ESRRG: variants seen among roughly 807,000 people sequenced by gnomAD.
The protein encoded by ESRRG is estrogen-related receptor gamma.
ESRRG carries 13 observed loss-of-function variants against 44.0 expected under a neutral mutation model. That is an observed-to-expected ratio of 0.30 (90% confidence interval 0.19 to 0.47). The LOEUF (loss-of-function observed/expected upper bound fraction) is 0.47, where lower values mean the gene tolerates loss of function less well. ESRRG is among the 20% of genes least tolerant of loss of function. The pLI is 1.00. For missense variants in ESRRG, 395 were observed against 580.6 expected, an observed-to-expected ratio of 0.68 and a Z score of 3.29; for synonymous variants, 215 against 214.6, an observed-to-expected ratio of 1.00 and a Z score of -0.02.
At chr1:216,634,876 G>T (rs1348339515) in intron 3 of ESRRG, among the ~76,000 whole-genome samples, 1 of 152,212 alleles carries the variant, frequency 6.6e-6, no homozygotes, top group Admixed American at 6.5e-5. Flanking sequence ...AGAACAGAAA[G>T]TGTGTTAAAG....
At chr1:216,630,329 A>G (rs2063924722) in intron 3 of ESRRG, among the ~76,000 whole-genome samples, 1 of 152,118 alleles carries the variant, frequency 6.6e-6, no homozygotes, top group Non-Finnish European at 1.5e-5. Flanking sequence ...ACACAGAATG[A>G]TGACTGAATT....
At chr1:217,109,651 G>A (rs1311810836) in intron 1 of ESRRG, among the ~76,000 whole-genome samples, 2 of 152,260 alleles carry the variant, frequency 1.3e-5, no homozygotes, top group East Asian at 1.9e-4. Flanking sequence ...TGCCATGGGG[G>A]CTAGTGGGAG....
intron 3 of ESRRG, among the ~76,000 whole-genome samples, chr1:216,645,717 T>A (rs1274911821): frequency 6.6e-6 from 1 of 151,012 alleles, no homozygotes; most frequent in Non-Finnish European, 1.5e-5. Context: ...AAGGAAAAAA[T>A]TAAAATAAAA....
At chr1:216,573,394 A>G (rs2061170548) in intron 3 of ESRRG, among the ~76,000 whole-genome samples, 1 of 151,964 alleles carries the variant, frequency 6.6e-6, no homozygotes, top group African/African-American at 2.4e-5. Context: ...TATAAGATGG[A>G]TGTAAAGAGT....
intron 2 of ESRRG, among the ~76,000 whole-genome samples, chr1:216,826,489 G>A (rs910052134): frequency 1.3e-5 from 2 of 152,046 alleles, no homozygotes; most frequent in African/African-American, 4.8e-5. Flanking sequence ...AGAGGTTACT[G>A]ACAATAATGC....
In ESRRG at chr1:216,861,181, G is replaced by T. The variant is rs555113478; in HGVS notation, c.-14+78401C>A. Among the ~76,000 whole-genome samples the T allele has an allele frequency of 9.4e-5, 14 of 149,548 alleles. No homozygotes were observed. In the South Asian group the frequency reaches 3.0e-3, roughly 32 times the overall value. ...ATGAAAGTAAAAATATGAAGAGAAA[G>T]AAAACAAAAAAATGAAATAAATAAA... On this transcript the variant is annotated intron_variant, in intron 2 of 7. Transcript: ENST00000359162.
In ESRRG at chr1:217,085,481, A is replaced by AT. The variant is rs148354268; in HGVS notation, c.-106+4025dup. Among the ~76,000 whole-genome samples, 177 of 49,122 alleles carry AT rather than the reference A, an allele frequency of 3.6e-3. 12 individuals carry two copies. The highest frequency in any genetic ancestry group is 0.011 in the African/African-American group (115 of 10,830). The allele number at this position is 49,122 out of a possible 152,430, so 32.2% of individuals were successfully genotyped here. A position where few individuals can be genotyped will look rare whatever the true frequency, so the allele number is the denominator to read the frequency against. Reference sequence around the variant, plus strand: ...TTTTCTTTCTTTTTCTTTTCTTTTCATTTTTTTTTTTTTTTTTTTTTTTTT... The same window carrying AT: ...TTTTCTTTCTTTTTCTTTTCTTTTCATTTTTTTTTTTTTTTTTTTTTTTTTT... On this transcript the variant is annotated intron_variant, in intron 1 of 7. Coordinates refer to the ESRRG transcript ENST00000359162.
chr1:216,546,963 A>T (rs1229780194), intron 5 of ESRRG, among the ~76,000 whole-genome samples: 1 of 150,682 alleles, frequency 6.6e-6, no homozygotes, highest in Non-Finnish European at 1.5e-5. Context: ...CTAGCCCCCC[A>T]TCCCCTGACA....
intron 1 of ESRRG, among the ~76,000 whole-genome samples, chr1:217,077,870 T>C (rs1426387696): frequency 6.6e-6 from 1 of 152,204 alleles, no homozygotes; most frequent in Non-Finnish European, 1.5e-5. Flanking sequence ...AGAAGTTTTA[T>C]AGTTTAATGC....
At chr1:217,128,811 A>C (rs1429676569) in intron 1 of ESRRG, among the ~76,000 whole-genome samples, 1 of 152,128 alleles carries the variant, frequency 6.6e-6, no homozygotes, top group African/African-American at 2.4e-5. Context: ...TTGGGTTTTA[A>C]ATTTTTGTTT....
intron 1 of ESRRG, among the ~76,000 whole-genome samples, chr1:216,942,819 T>C (rs1175804831): frequency 2.6e-5 from 4 of 152,222 alleles, no homozygotes; most frequent in Non-Finnish European, 5.9e-5. Flanking sequence ...ATTAGTCCTT[T>C]GTAGTATGCA....
chr1:216,589,205 T>C (rs992714751), intron 3 of ESRRG, among the ~76,000 whole-genome samples: 6 of 152,066 alleles, frequency 3.9e-5, no homozygotes, highest in African/African-American at 1.4e-4. Context: ...GCCACCAACA[T>C]AGATATATGA....
chr1:216,630,960 A>C (rs543828529), intron 3 of ESRRG, among the ~76,000 whole-genome samples: 2 of 152,258 alleles, frequency 1.3e-5, no homozygotes, highest in Admixed American at 6.5e-5. Flanking sequence ...TTATCTCTTC[A>C]AATGTTCCTG....
rs1249253116 is a variant in ESRRG at position 217,039,634 on chromosome 1, C to A, written c.-106+49873G>T. On this transcript the variant is annotated intron_variant, in intron 1 of 7. Coordinates refer to the ESRRG transcript ENST00000359162. ...GCTCCTTCCCATAATATGTGGGAAC[C>A]ATGGGAGCCACAAGATAAGATTTGG... Among the ~76,000 whole-genome samples, 4 of 152,212 alleles carry A rather than the reference C, an allele frequency of 2.6e-5. No individual in the cohort carries two copies. The East Asian group carries it at 5.8e-4, about 22-fold the overall frequency.
intron 1 of ESRRG, among the ~76,000 whole-genome samples, chr1:217,036,999 GAATCACTTCC>G (rs1482143458): frequency 2.6e-5 from 4 of 152,086 alleles, no homozygotes; most frequent in Admixed American, 6.5e-5. Flanking sequence ...CAGGCCAGAG[GAATCACTTCC>G]AAGCTGCTTC....
intron 3 of ESRRG, among the ~76,000 whole-genome samples, chr1:216,570,658 T>A (rs2060615729): frequency 6.6e-6 from 1 of 152,148 alleles, no homozygotes; most frequent in Non-Finnish European, 1.5e-5. Context: ...ACGTTTGTCA[T>A]CCAATTCCAA....
chr1:216,864,333 G>GAAAAAAAAAAA (rs200786864), intron 2 of ESRRG: 1 of 126,638 alleles, frequency 7.9e-6, no homozygotes. Context: ...CAACAAGTCA[G>GAAAAAAAAAAA]AAAAAAAAAA....
intron 2 of ESRRG, among the ~76,000 whole-genome samples, chr1:216,817,101 G>T (rs777093437): frequency 6.6e-6 from 1 of 150,552 alleles, no homozygotes; most frequent in Non-Finnish European, 1.5e-5. Flanking sequence ...ATATGGAGCA[G>T]ACTTTCTTAA....
intron 2 of ESRRG, among the ~76,000 whole-genome samples, chr1:216,891,439 T>C (rs1328596914): frequency 6.6e-6 from 1 of 152,246 alleles, no homozygotes; most frequent in Non-Finnish European, 1.5e-5. Context: ...GGGACGTGCA[T>C]ATGCACACAC....
Sources: allele counts gnomAD v4.1 joint callset (sites outside exome capture counted in the v4.1 genomes callset), GRCh38; gene constraint gnomAD v4.1.1; transcripts MANE v1.5; gene names NCBI Gene and HGNC (gene_info 2026-07-23, HGNC 2026-07-21).